DIAPH2: variants seen among roughly 807,000 people sequenced by gnomAD.
DIAPH2 encodes the protein diaphanous related formin 2.
A neutral mutation model predicts 92.7 loss-of-function variants in DIAPH2; 35 were observed. That is an observed-to-expected ratio of 0.38 (90% confidence interval 0.29 to 0.50). DIAPH2 has a LOEUF of 0.50. Ranked by LOEUF, DIAPH2 falls within the 20% of genes least tolerant of loss-of-function variation. The probability of loss-of-function intolerance (pLI) is 0.94; values close to 1 mark genes in which losing one functional copy is unlikely to be tolerated. For synonymous variants in DIAPH2, 301 were observed against 280.4 expected, an observed-to-expected ratio of 1.07 and a Z score of -0.73; for missense variants, 701 against 819.5, an observed-to-expected ratio of 0.86 and a Z score of 1.77.
chrX:97,595,971 A>G (rs2071548611), intron 26 of DIAPH2, among the ~76,000 whole-genome samples: 1 of 111,914 alleles, frequency 8.9e-6, no homozygotes, highest in Non-Finnish European at 1.9e-5. Context: ...CCTGTCTTCA[A>G]CCTTATGCTT....
chrX:97,317,899 C>A (rs867347852), intron 23 of DIAPH2, among the ~76,000 whole-genome samples: 1 of 111,616 alleles, frequency 9.0e-6, no homozygotes, highest in Admixed American at 9.6e-5. Context: ...TGATACATAG[C>A]TATATTATGA....
rs61350837 is a variant in DIAPH2, at chrX:97,095,098, C to CTTT, written c.2248-4562_2248-4560dup. Reference sequence around the variant, plus strand: ...GACTTTTAGGGAAATGTTTCTTTTTCTTTTTTTTTTTTTTTTTTTTTTTTT... The same window carrying CTTT: ...GACTTTTAGGGAAATGTTTCTTTTTCTTTTTTTTTTTTTTTTTTTTTTTTTTTT... On this transcript the variant is annotated intron_variant, in intron 19 of 26. Coordinates refer to ENST00000324765, the MANE Select transcript of DIAPH2 (RefSeq NM_006729.5). 2.9e-3 allele frequency among the ~76,000 whole-genome samples: 66 copies of CTTT among 22,402 alleles called. 25 individuals carry two copies. Among genetic ancestry groups the CTTT allele is most frequent in the Non-Finnish European group, 4.9e-3 (54 of 11,104 alleles). 19.5% of individuals were successfully genotyped at this position (22,402 alleles called of 115,157 possible). A position where few individuals can be genotyped will look rare whatever the true frequency, so the allele number is the denominator to read the frequency against.
At chrX:97,200,656 C>G (rs767788862) in intron 22 of DIAPH2, among the ~76,000 whole-genome samples, 48 of 112,060 alleles carry the variant, frequency 4.3e-4, no homozygotes, top group Non-Finnish European at 2.8e-4. Flanking sequence ...CAGCCCCAGT[C>G]AGGGGCTTAC....
chrX:97,393,093 C>T (rs765558554), intron 25 of DIAPH2, among the ~76,000 whole-genome samples: 5 of 110,442 alleles, frequency 4.5e-5, no homozygotes, highest in Non-Finnish European at 9.5e-5. Context: ...AAGAAGTAAG[C>T]CAGAAGCACA....
At chrX:96,698,646 A>G in intron 1 of DIAPH2, among the ~76,000 whole-genome samples, 1 of 110,705 alleles carries the variant, frequency 9.0e-6, no homozygotes, top group East Asian at 2.8e-4. Flanking sequence ...AAAATGTGAC[A>G]GGTAAAATAG....
intron 24 of DIAPH2, among the ~76,000 whole-genome samples, chrX:97,371,047 G>C (rs1177978051): frequency 8.9e-6 from 1 of 111,898 alleles, no homozygotes; most frequent in Non-Finnish European, 1.9e-5. Context: ...ATATTGGATA[G>C]CACATCTCTT....
chrX:97,563,971 G>A (rs2071310347), intron 26 of DIAPH2, among the ~76,000 whole-genome samples: 1 of 112,047 alleles, frequency 8.9e-6, no homozygotes, highest in South Asian at 3.7e-4. Context: ...CAGACAGGAT[G>A]AATTATTGCA....
Position 97,394,402 on chromosome X carries a change from T to C in DIAPH2, c.3145+10358T>C, listed in dbSNP as rs143475170. Among the ~76,000 whole-genome samples, 521 of 111,967 alleles carry C rather than the reference T, an allele frequency of 4.7e-3. 2 individuals carry two copies. Among genetic ancestry groups the C allele is most frequent in the Middle Eastern group, 9.2e-3 (2 of 217 alleles). The stretch of plus-strand genomic sequence containing the variant: ...TATGAAGAGAAAAAGTGTATCTGGC[T>C]GATACTATGTTTACTTTAAGTTACC... On this transcript the variant is annotated intron_variant, in intron 25 of 26. Transcript: ENST00000324765.
At chrX:97,493,872 G>A (rs1464096807) in intron 26 of DIAPH2, among the ~76,000 whole-genome samples, 1 of 107,313 alleles carries the variant, frequency 9.3e-6, no homozygotes, top group African/African-American at 3.4e-5. Context: ...GGGTGACAGA[G>A]TGGGACTCCA....
intron 26 of DIAPH2, among the ~76,000 whole-genome samples, chrX:97,541,957 T>G (rs187588407): frequency 1.2e-4 from 13 of 112,401 alleles, no homozygotes; most frequent in Non-Finnish European, 2.4e-4. Flanking sequence ...TTAAAATTTT[T>G]GGGGGGTAAA....
At chrX:97,058,906 A>G (rs1488153127) in intron 17 of DIAPH2, among the ~76,000 whole-genome samples, 2 of 112,090 alleles carry the variant, frequency 1.8e-5, no homozygotes, top group African/African-American at 6.5e-5. Flanking sequence ...ATACATGAAA[A>G]TTAATTAAGT....
chrX:96,873,427 G>A (rs2065156765), intron 4 of DIAPH2, among the ~76,000 whole-genome samples: 1 of 110,517 alleles, frequency 9.0e-6, no homozygotes, highest in South Asian at 3.9e-4. Context: ...TGAACTTGAT[G>A]TGATTCCATT....
At chrX:97,439,631 G>A (rs1243554963) in intron 26 of DIAPH2, among the ~76,000 whole-genome samples, 2 of 108,714 alleles carry the variant, frequency 1.8e-5, no homozygotes, top group African/African-American at 3.3e-5. Context: ...CCTGTAGTCC[G>A]AGCTACTCAG....
intron 19 of DIAPH2, 100 bp from the exon 20 acceptor site, chrX:97,099,594 G>A: frequency 1.4e-5 from 7 of 499,932 alleles, no homozygotes; most frequent in Non-Finnish European, 2.1e-5. Flanking sequence ...ACCACAGTCA[G>A]AAATGTACTG....
chrX:97,415,274 C>T (rs912500490), intron 25 of DIAPH2, among the ~76,000 whole-genome samples: 1 of 111,767 alleles, frequency 8.9e-6, no homozygotes, highest in African/African-American at 3.3e-5. Context: ...ACTAGTTCAA[C>T]CATTGTGGAA....
chrX:97,386,302 A>G (rs1311889843), intron 25 of DIAPH2, among the ~76,000 whole-genome samples: 2 of 112,176 alleles, frequency 1.8e-5, no homozygotes, highest in Admixed American at 9.5e-5. Context: ...ATCAGGAGGT[A>G]AGCACTAGAG....
chrX:96,696,972 C>T (rs895176363), intron 1 of DIAPH2, among the ~76,000 whole-genome samples: 1 of 111,492 alleles, frequency 9.0e-6, no homozygotes, highest in Non-Finnish European at 1.9e-5. Context: ...TAAGTCCCAT[C>T]GTGGGTAGAC....
chrX:97,432,807 G>A (rs1187740682), intron 26 of DIAPH2, among the ~76,000 whole-genome samples: 1 of 111,228 alleles, frequency 9.0e-6, no homozygotes, highest in Non-Finnish European at 1.9e-5. Context: ...ATTTTTAGTA[G>A]AGACTGTGTT....
At chrX:97,235,413 G>A (rs1391666557) in intron 22 of DIAPH2, among the ~76,000 whole-genome samples, 1 of 109,984 alleles carries the variant, frequency 9.1e-6, no homozygotes, top group Non-Finnish European at 1.9e-5. Flanking sequence ...AGACCATCCT[G>A]GCCAACATGG....
Sources: allele counts gnomAD v4.1 joint callset (sites outside exome capture counted in the v4.1 genomes callset), GRCh38; gene constraint gnomAD v4.1.1; transcripts MANE v1.5; gene names NCBI Gene and HGNC (gene_info 2026-07-23, HGNC 2026-07-21).